DSCAM: variants seen among roughly 807,000 people sequenced by gnomAD.
The protein encoded by DSCAM is cell adhesion molecule DSCAM.
Under a neutral mutation model 217.7 loss-of-function variants are expected in DSCAM, and 47 were observed. The ratio of observed to expected loss-of-function variants is 0.22; its 90% confidence interval spans 0.17 to 0.28. DSCAM has a LOEUF of 0.28. Among genes scored for constraint, DSCAM ranks in the 10% least tolerant of loss-of-function variants. The probability of loss-of-function intolerance (pLI) is 1.00; values close to 1 mark genes in which losing one functional copy is unlikely to be tolerated. For missense variants in DSCAM, 2,080 were observed against 2,618.3 expected (o/e 0.79, Z 4.49); for synonymous variants, 1,056 against 1,015.3 (o/e 1.04, Z -0.76).
chr21:40,308,024 G>A (rs984002528), intron 9 of DSCAM, among the ~76,000 whole-genome samples: 7 of 151,736 alleles, frequency 4.6e-5, no homozygotes, highest in African/African-American at 1.2e-4. Context: ...CATGGCACAT[G>A]TATACATATG....
rs531639961 is a variant in DSCAM, at chr21:40,617,451, G to A, written c.508+75359C>T. On this transcript the variant is annotated intron_variant, in intron 3 of 32. Coordinates refer to ENST00000400454, the MANE Select transcript of DSCAM (RefSeq NM_001389.5). ...GAATGAGTCTTGAGTAAATGTTGCT[G>A]CTGCCATCACAGAACACCAGAGGCC... Among the ~76,000 whole-genome samples the A allele has an allele frequency of 2.6e-5, 4 of 152,162 alleles. No individual in the cohort carries two copies. In the East Asian group the frequency reaches 7.8e-4, roughly 30 times the overall value.
chr21:40,229,954 C>T (rs1336869786), intron 11 of DSCAM, among the ~76,000 whole-genome samples: 4 of 152,168 alleles, frequency 2.6e-5, no homozygotes, highest in African/African-American at 9.7e-5. Context: ...TGCCCACCAG[C>T]AATGAATGAG....
At position 40,021,465 on chromosome 21, in the gene DSCAM, T is replaced by C. The variant is rs184939943; in HGVS notation, c.5687-8079A>G. 2.8e-3 allele frequency among the ~76,000 whole-genome samples: 425 copies of C among 152,276 alleles called. 1 individual carries two copies. Among genetic ancestry groups the C allele is most frequent in the African/African-American group, 9.4e-3 (391 of 41,554 alleles). ...CAAGGACCACTGGCCCATCCATCACTGGGGCACCCATTTCTCATTCTTTTC... is the reference window on the plus strand; with the variant it reads ...CAAGGACCACTGGCCCATCCATCACCGGGGCACCCATTTCTCATTCTTTTC... On this transcript the variant is annotated intron_variant, in intron 32 of 32. Coordinates refer to ENST00000400454, the MANE Select transcript of DSCAM (RefSeq NM_001389.5).
chr21:40,040,517 C>CTT (rs2146472410), intron 32 of DSCAM, among the ~76,000 whole-genome samples: 1 of 152,288 alleles, frequency 6.6e-6, no homozygotes, highest in South Asian at 2.1e-4. Context: ...ACATAAAGTA[C>CTT]TTAACTGGGT....
intron 3 of DSCAM, among the ~76,000 whole-genome samples, chr21:40,605,791 C>CTT (rs755767800): frequency 0.017 from 1,046 of 61,988 alleles, 184 homozygotes; most frequent in East Asian, 0.024. Context: ...AATGCACATT[C>CTT]TTTTTTTTTT....
At chr21:40,838,952 A>T (rs1352017444) in intron 1 of DSCAM, among the ~76,000 whole-genome samples, 4 of 152,204 alleles carry the variant, frequency 2.6e-5, no homozygotes, top group African/African-American at 9.7e-5. Flanking sequence ...GGAAAACCAG[A>T]ATGCTATAAG....
chr21:40,097,745 TC>T (rs1298808861), intron 20 of DSCAM, among the ~76,000 whole-genome samples: 1 of 151,562 alleles, frequency 6.6e-6, no homozygotes, highest in African/African-American at 2.4e-5. Context: ...ATTAAGACCA[TC>T]CTAGCCAACG....
chr21:40,033,089 G>C (rs1222894424), intron 32 of DSCAM, among the ~76,000 whole-genome samples: 1 of 152,176 alleles, frequency 6.6e-6, no homozygotes, highest in Non-Finnish European at 1.5e-5. Flanking sequence ...ACCAGTTTCA[G>C]TGGTGAGATA....
intron 11 of DSCAM, among the ~76,000 whole-genome samples, chr21:40,264,303 A>T (rs2073493272): frequency 6.6e-6 from 1 of 152,214 alleles, no homozygotes; most frequent in Non-Finnish European, 1.5e-5. Flanking sequence ...AATTCTCAAC[A>T]CAATACTAGC....
intron 1 of DSCAM, among the ~76,000 whole-genome samples, chr21:40,712,999 C>T (rs2090799434): frequency 6.6e-6 from 1 of 152,172 alleles, no homozygotes; most frequent in Non-Finnish European, 1.5e-5. Context: ...TAGATGGGCC[C>T]CCGATAAGAC....
chr21:40,124,162 G>A (rs373887330), intron 20 of DSCAM, 33 bp downstream of exon 20: 100 of 1,612,742 alleles, frequency 6.2e-5, no homozygotes, highest in African/African-American at 2.3e-4. Flanking sequence ...CCTGGCAGAC[G>A]CTTGAAAGGC....
intron 4 of DSCAM, among the ~76,000 whole-genome samples, chr21:40,358,417 CAT>C (rs1327929381): frequency 3.3e-5 from 5 of 152,040 alleles, no homozygotes; most frequent in African/African-American, 1.2e-4. Context: ...TAGAAGAAAA[CAT>C]AGGGAAAATA....
intron 3 of DSCAM, among the ~76,000 whole-genome samples, chr21:40,370,959 T>G (rs1218407172): frequency 6.6e-6 from 1 of 152,200 alleles, no homozygotes; most frequent in Non-Finnish European, 1.5e-5. Flanking sequence ...AAATGATTTA[T>G]GAATTATCAT....
chr21:40,419,777 A>C (rs940622918), intron 3 of DSCAM, among the ~76,000 whole-genome samples: 17 of 152,230 alleles, frequency 1.1e-4, no homozygotes, highest in African/African-American at 4.1e-4. Flanking sequence ...TGTCAGCATC[A>C]TCATCACCAT....
chr21:40,624,548 T>C (rs950988865), intron 3 of DSCAM, among the ~76,000 whole-genome samples: 1 of 152,116 alleles, frequency 6.6e-6, no homozygotes, highest in Non-Finnish European at 1.5e-5. Context: ...AGCCTGACCA[T>C]GTGAATGATG....
chr21:40,737,933 A>G (rs191242755), intron 1 of DSCAM, among the ~76,000 whole-genome samples: 3 of 152,246 alleles, frequency 2.0e-5, no homozygotes, highest in Middle Eastern at 3.4e-3. Flanking sequence ...CAATAAAATG[A>G]TCCTCCCATT....
At chr21:40,071,280 T>G (rs991744102) in intron 27 of DSCAM, among the ~76,000 whole-genome samples, 2 of 151,990 alleles carry the variant, frequency 1.3e-5, no homozygotes, top group Non-Finnish European at 2.9e-5. Flanking sequence ...AGGTTATAGA[T>G]TTAAAAAAAA....
intron 1 of DSCAM, among the ~76,000 whole-genome samples, chr21:40,814,150 A>G (rs1310304663): frequency 6.6e-6 from 1 of 152,206 alleles, no homozygotes; most frequent in African/African-American, 2.4e-5. Context: ...CCAAAATGCA[A>G]CTGGAGCATA....
At chr21:40,241,615 C>G (rs556243145) in intron 11 of DSCAM, among the ~76,000 whole-genome samples, 1 of 152,264 alleles carries the variant, frequency 6.6e-6, no homozygotes, top group South Asian at 2.1e-4. Context: ...AAAAGCAGAA[C>G]TACCATTCAA....
Sources: gnomAD v4.1 joint callset for allele counts (sites outside exome capture counted in the v4.1 genomes callset) on GRCh38, gnomAD v4.1.1 for gene constraint, MANE v1.5 for transcripts, NCBI Gene and HGNC (gene_info 2026-07-23, HGNC 2026-07-21) for gene names.